Variants in NFIA observed in about 807,000 individuals in gnomAD.
NFIA encodes nuclear factor I A.
In NFIA, 8 loss-of-function variants were observed where a neutral mutation model predicts 62.8. That is an observed-to-expected ratio of 0.13 (90% CI 0.07 to 0.23). The LOEUF is 0.23. NFIA is among the 10% of genes least tolerant of loss of function. The pLI is 1.00. For synonymous variants in NFIA, 235 were observed against 238.1 expected, an observed-to-expected ratio of 0.99 and a Z score of 0.12; for missense variants, 410 against 642.1, an observed-to-expected ratio of 0.64 and a Z score of 3.91.
chr1:61,423,694 A>G (rs1332691555), intron 9 of NFIA, among the ~76,000 whole-genome samples: 1 of 152,202 alleles, frequency 6.6e-6, no homozygotes, highest in African/African-American at 2.4e-5. Flanking sequence ...TTTAACAAAA[A>G]GTTTCAATTA....
At chr1:61,432,610 T>TATATAC (rs1292430702) in intron 10 of NFIA, among the ~76,000 whole-genome samples, 6 of 55,766 alleles carry the variant, frequency 1.1e-4, no homozygotes, top group African/African-American at 3.2e-4. Flanking sequence ...TATATATATA[T>TATATAC]ACACACACAC....
At chr1:61,263,131 C>T (rs1418500398) in intron 2 of NFIA, among the ~76,000 whole-genome samples, 1 of 152,142 alleles carries the variant, frequency 6.6e-6, no homozygotes, top group Non-Finnish European at 1.5e-5. Flanking sequence ...TCTCCTTTGA[C>T]TTTGTTTTTC....
At chr1:61,439,199 A>G (rs1369333316) in intron 10 of NFIA, among the ~76,000 whole-genome samples, 1 of 151,440 alleles carries the variant, frequency 6.6e-6, no homozygotes, top group Non-Finnish European at 1.5e-5. Flanking sequence ...ATGGTGTATC[A>G]GATTAGTCTG....
intron 3 of NFIA, among the ~76,000 whole-genome samples, chr1:61,323,318 C>T (rs1319519498): frequency 1.3e-5 from 2 of 152,214 alleles, no homozygotes; most frequent in African/African-American, 4.8e-5. Flanking sequence ...TTTGCAAATT[C>T]TCAGGCACAA....
chr1:61,336,929 AT>A (rs1298927918), intron 4 of NFIA, among the ~76,000 whole-genome samples: 4 of 152,152 alleles, frequency 2.6e-5, no homozygotes, highest in Non-Finnish European at 5.9e-5. Flanking sequence ...GATCTTTAGT[AT>A]TCGATTTTTA....
At chr1:61,234,129 A>G (rs949855302) in intron 2 of NFIA, among the ~76,000 whole-genome samples, 4 of 152,060 alleles carry the variant, frequency 2.6e-5, no homozygotes, top group African/African-American at 9.7e-5. Flanking sequence ...GCACTTTGGG[A>G]GGCCGAGGCG....
chr1:61,317,062 A>T (rs1439189999), intron 3 of NFIA, among the ~76,000 whole-genome samples: 7 of 152,200 alleles, frequency 4.6e-5, no homozygotes, highest in African/African-American at 1.7e-4. Context: ...ATACTGAAAA[A>T]TAAAATCAGA....
At chr1:61,323,281 A>G (rs966601361) in intron 3 of NFIA, among the ~76,000 whole-genome samples, 4 of 152,204 alleles carry the variant, frequency 2.6e-5, no homozygotes, top group African/African-American at 9.7e-5. Flanking sequence ...CCTCATCCAT[A>G]TTATTAGCTG....
chr1:61,454,655 C>G (rs570954802), intron 10 of NFIA, among the ~76,000 whole-genome samples: 1 of 152,264 alleles, frequency 6.6e-6, no homozygotes, highest in South Asian at 2.1e-4. Context: ...CTCATAAAAT[C>G]CTACATATGT....
At chr1:61,077,475 A>C, upstream of NFIA, 84 of 581,242 alleles carry the variant, frequency 1.4e-4, no homozygotes, top group Non-Finnish European at 1.8e-4. Flanking sequence ...GAAGCCTGCA[A>C]TTGGCCAACA....
At chr1:61,428,069 A>G (rs1185783724) in intron 10 of NFIA, among the ~76,000 whole-genome samples, 1 of 152,202 alleles carries the variant, frequency 6.6e-6, no homozygotes, top group Non-Finnish European at 1.5e-5. Context: ...CAAAGCACGA[A>G]TGTCCTCAAG....
At chr1:61,230,734 T>C (rs976601293) in intron 2 of NFIA, among the ~76,000 whole-genome samples, 1 of 152,200 alleles carries the variant, frequency 6.6e-6, no homozygotes, top group Non-Finnish European at 1.5e-5. Context: ...TTTTTCACAC[T>C]TGGGCACACC....
chr1:61,361,782 GGTGTGTGTGTGTGTGTGTGTGTGT>G lies in NFIA; in HGVS notation c.946+2529_946+2552del, dbSNP rs61410878. ...AATGGCTGAATCCTTTTTGGTAAGA[GGTGTGTGTGTGTGTGTGTGTGTGT>G]GTGTGTGTGTGTGTGTGTGTACGTA... On this transcript the variant is annotated intron_variant, in intron 6 of 10. Coordinates refer to ENST00000403491, the MANE Select transcript of NFIA (RefSeq NM_001134673.4). Among the ~76,000 whole-genome samples, 8 of 142,272 alleles carry G rather than the reference GGTGTGTGTGTGTGTGTGTGTGTGT, an allele frequency of 5.6e-5. No individual in the cohort carries two copies. The East Asian group carries it at 1.7e-3, about 30-fold the overall frequency. The allele number at this position is 142,272 out of a possible 152,430, so 93.3% of individuals were successfully genotyped here. A position where few individuals can be genotyped will look rare whatever the true frequency, so the allele number is the denominator to read the frequency against.
At chr1:61,345,014 C>T (rs1662140712) in intron 4 of NFIA, among the ~76,000 whole-genome samples, 1 of 152,152 alleles carries the variant, frequency 6.6e-6, no homozygotes, top group Non-Finnish European at 1.5e-5. Context: ...CAGTAGCCTA[C>T]ATTACTATAA....
intron 2 of NFIA, among the ~76,000 whole-genome samples, chr1:61,158,274 ATCTT>A (rs1422025399): frequency 2.0e-5 from 3 of 152,170 alleles, no homozygotes; most frequent in Non-Finnish European, 4.4e-5. Flanking sequence ...CTAGATGTGC[ATCTT>A]TCTTAATAAT....
chr1:61,264,905 G>T (rs1017941862), intron 2 of NFIA, among the ~76,000 whole-genome samples: 1 of 152,170 alleles, frequency 6.6e-6, no homozygotes, highest in Non-Finnish European at 1.5e-5. Flanking sequence ...GTGAAGGCGA[G>T]AGCACAGAAG....
intron 2 of NFIA, among the ~76,000 whole-genome samples, chr1:61,172,102 T>C (rs1438050625): frequency 3.9e-5 from 6 of 152,238 alleles, no homozygotes. Flanking sequence ...CCAGGCTTCC[T>C]TAGTCACGTG....
At chr1:61,149,637 G>A (rs1181013075) in intron 2 of NFIA, among the ~76,000 whole-genome samples, 1 of 152,210 alleles carries the variant, frequency 6.6e-6, no homozygotes, top group African/African-American at 2.4e-5. Context: ...ATTAGCCTTT[G>A]TGTCAGATGG....
chr1:61,331,033 T>A (rs1661275976), intron 3 of NFIA, among the ~76,000 whole-genome samples: 1 of 152,226 alleles, frequency 6.6e-6, no homozygotes, highest in Admixed American at 6.5e-5. Flanking sequence ...CTCAGTTCTC[T>A]TAATCTAAGA....
Sources: gnomAD v4.1 joint callset for allele counts (sites outside exome capture counted in the v4.1 genomes callset) on GRCh38, gnomAD v4.1.1 for gene constraint, MANE v1.5 for transcripts, NCBI Gene and HGNC (gene_info 2026-07-23, HGNC 2026-07-21) for gene names.